CACNA1A: variants seen among roughly 807,000 people sequenced by gnomAD.
CACNA1A encodes calcium voltage-gated channel subunit alpha1 A.
CACNA1A carries 57 observed loss-of-function variants against 262.4 expected under a neutral mutation model. The observed-to-expected ratio is 0.22, with a 90% CI of 0.18 to 0.27. CACNA1A has a LOEUF of 0.27. CACNA1A is among the 10% of genes least tolerant of loss of function. CACNA1A has a pLI of 1.00. For missense variants in CACNA1A, 2,526 were observed against 3,562.8 expected, an observed-to-expected ratio of 0.71 and a Z score of 7.41; for synonymous variants, 1,431 against 1,419.3, an observed-to-expected ratio of 1.01 and a Z score of -0.18.
chr19:13,413,885 GAAAGAAAGAA>G (rs200501078), intron 3 of CACNA1A, among the ~76,000 whole-genome samples: 2 of 107,702 alleles, frequency 1.9e-5, no homozygotes, highest in Non-Finnish European at 3.6e-5. Context: ...TGTCAAGAAA[GAAAGAAAGAA>G]AAAGAAAGAA....
At chr19:13,294,840 CTT>C (rs1482568385) in intron 19 of CACNA1A, among the ~76,000 whole-genome samples, 7 of 152,144 alleles carry the variant, frequency 4.6e-5, no homozygotes, top group Non-Finnish European at 1.0e-4. Flanking sequence ...GTGGTAAACA[CTT>C]TATTCCACCT....
chr19:13,431,963 G>A (rs2060513128), intron 3 of CACNA1A, among the ~76,000 whole-genome samples: 1 of 151,880 alleles, frequency 6.6e-6, no homozygotes, highest in Admixed American at 6.6e-5. Flanking sequence ...AAATTAGCTG[G>A]GCGTGGTGGT....
intron 1 of CACNA1A, among the ~76,000 whole-genome samples, chr19:13,474,200 C>A (rs1456987168): frequency 1.3e-5 from 2 of 152,322 alleles, no homozygotes; most frequent in Non-Finnish European, 2.9e-5. Flanking sequence ...CGGCCAAGAT[C>A]TCCTGCTCGG....
rs529933025 is a variant in CACNA1A, at chr19:13,308,854, T to C, written c.1669-326A>G. 10 of 191,886 alleles carry C rather than the reference T, an allele frequency of 5.2e-5. No homozygotes were observed. The highest frequency in any genetic ancestry group is 1.7e-4 in the South Asian group (1 of 5,764). The allele number at this position is 191,886 out of a possible 1,614,324, so 11.9% of individuals were successfully genotyped here. On this transcript the variant is annotated intron_variant, in intron 12 of 46. Transcript: ENST00000360228. The surrounding 1 kb of genome is among the most constrained non-coding windows in gnomAD (Gnocchi z 4.2). ...ACCACATCTGGCTAATTTTAAAACA[T>C]TTTTATAGAGATAGTGTCTCGCTAG...
At chr19:13,262,561 C>A in intron 25 of CACNA1A, 173 bp downstream of exon 25, 1 of 603,616 alleles carries the variant, frequency 1.7e-6, no homozygotes, top group Non-Finnish European at 3.0e-6. Context: ...GGTCAGCTCA[C>A]TTTACTGCCA....
At chr19:13,400,652 C>T (rs2059884676) in intron 3 of CACNA1A, among the ~76,000 whole-genome samples, 1 of 152,142 alleles carries the variant, frequency 6.6e-6, no homozygotes, top group African/African-American at 2.4e-5. Context: ...TTTCACCTCC[C>T]AGGGGACATT....
At chr19:13,437,520 G>C (rs1303918507) in intron 3 of CACNA1A, among the ~76,000 whole-genome samples, 1 of 151,792 alleles carries the variant, frequency 6.6e-6, no homozygotes, top group East Asian at 1.9e-4. Context: ...GCGAAACCCT[G>C]TCTCTACTAA....
intron 10 of CACNA1A, among the ~76,000 whole-genome samples, chr19:13,324,204 G>A (rs933428249): frequency 7.2e-5 from 11 of 152,288 alleles, no homozygotes; most frequent in African/African-American, 2.6e-4. Flanking sequence ...CTCATAGAAA[G>A]AGCAGGAAGG....
At chr19:13,410,512 G>A (rs1487250633) in intron 3 of CACNA1A, among the ~76,000 whole-genome samples, 1 of 144,840 alleles carries the variant, frequency 6.9e-6, no homozygotes, top group Non-Finnish European at 1.5e-5. Flanking sequence ...CATTGTGCCT[G>A]GCCTTTTTTT....
chr19:13,274,078 G>A (rs1283985350), intron 24 of CACNA1A: 1 of 152,094 alleles, frequency 6.6e-6, no homozygotes, highest in East Asian at 1.9e-4. Flanking sequence ...GAAAAGCTTT[G>A]AGGAGAGGGA....
chr19:13,289,931 T>C (rs2057494551), intron 19 of CACNA1A, among the ~76,000 whole-genome samples: 1 of 149,534 alleles, frequency 6.7e-6, no homozygotes, highest in Non-Finnish European at 1.5e-5. Context: ...ATATTTATCT[T>C]ATCTATCTTA....
intron 3 of CACNA1A, among the ~76,000 whole-genome samples, chr19:13,438,656 A>T (rs1037645749): frequency 6.6e-6 from 1 of 152,220 alleles, no homozygotes; most frequent in Non-Finnish European, 1.5e-5. Flanking sequence ...CTGAGACCAG[A>T]TAAAGCACCC....
chr19:13,359,768 A>G lies in CACNA1A; in HGVS notation c.816T>C (p.Cys272=). The G allele has an allele frequency of 6.5e-7, 1 of 1,546,264 alleles. No individual in the cohort carries two copies. The highest frequency in any genetic ancestry group is 8.7e-7 in the Non-Finnish European group (1 of 1,143,398). ...AGGTGCGGGCGGGCTCTTCTGTCCC[A>G]CATGGAGCCGGAGACTCACCCTGAA... ...DDIQGESPAP[C]GTEEPARTCP... Residue 272 remains cysteine, a synonymous_variant, in exon 6 of 47, where the codon TGT becomes TGC. Transcript: ENST00000360228.
At chr19:13,371,832 C>T (rs981431086) in intron 3 of CACNA1A, 53 bp from the exon 4 acceptor site, 2 of 1,332,730 alleles carry the variant, frequency 1.5e-6, no homozygotes, top group Non-Finnish European at 2.1e-6. Flanking sequence ...GGGGGTCAGA[C>T]AGCAGGGCGG....
chr19:13,407,067 G>A (rs1169729837), intron 3 of CACNA1A, among the ~76,000 whole-genome samples: 1 of 152,036 alleles, frequency 6.6e-6, no homozygotes, highest in Non-Finnish European at 1.5e-5. Flanking sequence ...TGCTACCTGG[G>A]CAAGTCACTT....
chr19:13,223,078 G>T (rs1031323144), intron 38 of CACNA1A, among the ~76,000 whole-genome samples: 6 of 152,204 alleles, frequency 3.9e-5, no homozygotes, highest in Admixed American at 2.6e-4. Flanking sequence ...AGGCTGGAGT[G>T]CAGTGGTGCG....
At chr19:13,338,831 G>A (rs1162730598) in intron 6 of CACNA1A, among the ~76,000 whole-genome samples, 1 of 151,926 alleles carries the variant, frequency 6.6e-6, no homozygotes, top group Non-Finnish European at 1.5e-5. Context: ...TATAATCCGC[G>A]GATTTTTCTG....
chr19:13,469,615 ATT>A (rs745335031), intron 1 of CACNA1A, among the ~76,000 whole-genome samples: 20 of 133,760 alleles, frequency 1.5e-4, no homozygotes, highest in Admixed American at 2.3e-4. Context: ...CGCCTGGCTA[ATT>A]TTTTTTTTTT....
intron 36 of CACNA1A, chr19:13,229,846 C>T (rs191194670): frequency 1.8e-4 from 78 of 422,182 alleles, no homozygotes; most frequent in African/African-American, 1.4e-3. Context: ...TCATGGTTGA[C>T]GCCCTCCCTC....
Sources: allele counts gnomAD v4.1 joint callset (sites outside exome capture counted in the v4.1 genomes callset), GRCh38; gene constraint gnomAD v4.1.1; non-coding constraint Gnocchi (gnomAD v3.1); transcripts MANE v1.5; gene names NCBI Gene and HGNC (gene_info 2026-07-23, HGNC 2026-07-21).